FHIT: variants seen among roughly 807,000 people sequenced by gnomAD.
The protein encoded by FHIT is fragile histidine triad diadenosine triphosphatase, also known as bis(5'-adenosyl)-triphosphatase.
FHIT carries 19 observed loss-of-function variants against 17.9 expected under a neutral mutation model. The ratio of observed to expected loss-of-function variants is 1.06; its 90% CI spans 0.74 to 1.56. The LOEUF (loss-of-function observed/expected upper bound fraction) is 1.56, where lower values mean the gene tolerates loss of function less well. Among genes scored for constraint, FHIT ranks in the 40% most tolerant of loss-of-function variants. The pLI is 0.00. For missense variants in FHIT, 248 were observed against 189.2 expected, an observed-to-expected ratio of 1.31 and a Z score of -1.82; for synonymous variants, 81 against 69.7, an observed-to-expected ratio of 1.16 and a Z score of -0.81.
intron 2 of FHIT, among the ~76,000 whole-genome samples, chr3:61,185,256 AG>A (rs2038471722): frequency 6.6e-6 from 1 of 152,218 alleles, no homozygotes; most frequent in South Asian, 2.1e-4. Flanking sequence ...CACAGACTGC[AG>A]AGGCCACCTC....
intron 5 of FHIT, among the ~76,000 whole-genome samples, chr3:60,434,293 G>A (rs1004604515): frequency 6.6e-5 from 10 of 151,986 alleles, no homozygotes; most frequent in Non-Finnish European, 1.2e-4. Context: ...ACTATTGACA[G>A]CAAAATCTCA....
At chr3:59,839,377 T>C (rs746479076) in intron 8 of FHIT, among the ~76,000 whole-genome samples, 4 of 151,852 alleles carry the variant, frequency 2.6e-5, no homozygotes, top group Non-Finnish European at 5.9e-5. Flanking sequence ...ATTAGTACCA[T>C]ACAGGCTTTC....
intron 8 of FHIT, among the ~76,000 whole-genome samples, chr3:59,866,408 C>A (rs1278081895): frequency 6.6e-6 from 1 of 152,142 alleles, no homozygotes; most frequent in Non-Finnish European, 1.5e-5. Flanking sequence ...TCGGGGCATT[C>A]CAGACTCAAA....
At chr3:61,213,573 C>T (rs1312399232) in intron 1 of FHIT, among the ~76,000 whole-genome samples, 2 of 152,168 alleles carry the variant, frequency 1.3e-5, no homozygotes. Flanking sequence ...TTTAACAACC[C>T]ACTGTCAACA....
intron 4 of FHIT, among the ~76,000 whole-genome samples, chr3:60,804,123 A>T (rs1166596428): frequency 3.9e-5 from 6 of 152,320 alleles, no homozygotes; most frequent in African/African-American, 1.4e-4. Context: ...ACCCTGTCCT[A>T]GGCTAACCAT....
intron 3 of FHIT, among the ~76,000 whole-genome samples, chr3:60,973,355 G>C (rs903234936): frequency 2.0e-5 from 3 of 152,112 alleles, no homozygotes; most frequent in African/African-American, 4.8e-5. Context: ...GTGAGACACT[G>C]AGACTGCTAC....
intron 4 of FHIT, among the ~76,000 whole-genome samples, chr3:60,673,965 T>C (rs58299945): frequency 0.25 from 37,995 of 151,990 alleles, 5,583 homozygotes; most frequent in East Asian, 0.74. Flanking sequence ...TTGGGAAAAT[T>C]TGTTCATTTT....
At chr3:60,553,360 C>A (rs1431062334) in intron 4 of FHIT, 13 of 975,892 alleles carry the variant, frequency 1.3e-5, no homozygotes, top group Non-Finnish European at 1.6e-5. Context: ...TGTGTTTTTA[C>A]GTAATGTGAA....
At chr3:59,785,034 C>T (rs1433296671) in intron 8 of FHIT, among the ~76,000 whole-genome samples, 1 of 151,934 alleles carries the variant, frequency 6.6e-6, no homozygotes, top group Non-Finnish European at 1.5e-5. Context: ...GGTCACATGG[C>T]CCGAGCAACA....
intron 5 of FHIT, among the ~76,000 whole-genome samples, chr3:60,064,394 A>G (rs900753245): frequency 1.3e-5 from 2 of 152,134 alleles, no homozygotes; most frequent in African/African-American, 4.8e-5. Context: ...CAACCAAACC[A>G]CCCTCATACC....
At chr3:59,878,680 G>T (rs996613652) in intron 8 of FHIT, among the ~76,000 whole-genome samples, 1 of 152,130 alleles carries the variant, frequency 6.6e-6, no homozygotes, top group Non-Finnish European at 1.5e-5. Context: ...ACAATATAAA[G>T]ACATTATTAA....
chr3:60,098,482 T>C (rs1343830071), intron 5 of FHIT, among the ~76,000 whole-genome samples: 4 of 152,060 alleles, frequency 2.6e-5, no homozygotes, highest in Non-Finnish European at 5.9e-5. Context: ...ATGAGCATTT[T>C]TTCATGTGTT....
At chr3:59,897,554 A>T (rs1704124830) in intron 8 of FHIT, among the ~76,000 whole-genome samples, 1 of 152,238 alleles carries the variant, frequency 6.6e-6, no homozygotes, top group Non-Finnish European at 1.5e-5. Flanking sequence ...TGCTTGGCAC[A>T]TGAGAATTAT....
chr3:60,206,149 A>AAATAATAATAATAATAAT (rs1041282613), intron 5 of FHIT, among the ~76,000 whole-genome samples: 20 of 94,134 alleles, frequency 2.1e-4, no homozygotes, highest in South Asian at 1.2e-3. Flanking sequence ...AAAAAAAAAT[A>AAATAATAATAATAATAAT]AATAATAATA....
At chr3:60,280,395 G>C (rs1292100884) in intron 5 of FHIT, among the ~76,000 whole-genome samples, 1 of 152,170 alleles carries the variant, frequency 6.6e-6, no homozygotes, top group Non-Finnish European at 1.5e-5. Flanking sequence ...TTGAAAGAAA[G>C]GACTTTGTAG....
At chr3:60,773,682 A>G (rs1553723768) in intron 4 of FHIT, among the ~76,000 whole-genome samples, 1 of 152,270 alleles carries the variant, frequency 6.6e-6, no homozygotes, top group African/African-American at 2.4e-5. Context: ...AGCTTACAAG[A>G]TAATCATCTG....
At chr3:60,438,948 T>C (rs1430353510) in intron 5 of FHIT, among the ~76,000 whole-genome samples, 1 of 152,140 alleles carries the variant, frequency 6.6e-6, no homozygotes, top group Non-Finnish European at 1.5e-5. Flanking sequence ...ATTTACATGA[T>C]TTAAGAATAT....
intron 4 of FHIT, among the ~76,000 whole-genome samples, chr3:60,781,951 C>T (rs1430200951): frequency 6.6e-6 from 1 of 152,074 alleles, no homozygotes; most frequent in African/African-American, 2.4e-5. Flanking sequence ...TAGCCATCAC[C>T]TCAAATACCT....
chr3:60,420,450 T>A (rs1185517726), intron 5 of FHIT, among the ~76,000 whole-genome samples: 1 of 152,180 alleles, frequency 6.6e-6, no homozygotes, highest in Admixed American at 6.5e-5. Flanking sequence ...GAGATTACTG[T>A]GTTAAAGGCT....
Sources: gnomAD v4.1 joint callset for allele counts (sites outside exome capture counted in the v4.1 genomes callset) on GRCh38, gnomAD v4.1.1 for gene constraint, MANE v1.5 for transcripts, NCBI Gene and HGNC (gene_info 2026-07-23, HGNC 2026-07-21) for gene names.